The following LPIN2 variants were observed in gnomAD, a reference collection of about 807,000 sequenced individuals.
LPIN2 encodes the protein lipin 2.
A neutral mutation model predicts 111.4 loss-of-function variants in LPIN2; 55 were observed. That is an observed-to-expected ratio of 0.49 (90% CI 0.40 to 0.62). The LOEUF (loss-of-function observed/expected upper bound fraction) is 0.62. LPIN2 is among the 20% of genes least tolerant of loss of function. The pLI is 0.00. For missense variants in LPIN2, 992 were observed against 1,112.1 expected, an observed-to-expected ratio of 0.89 and a Z score of 1.54; for synonymous variants, 425 against 414.0, an observed-to-expected ratio of 1.03 and a Z score of -0.32.
chr18:2,991,021 A>T, intron 1 of LPIN2: 1 of 569,040 alleles, frequency 1.8e-6, no homozygotes, highest in Non-Finnish European at 3.5e-6. Flanking sequence ...CCCAATGATG[A>T]GACCTCTTGC....
At chr18:2,936,689 C>T (rs983793816) in intron 7 of LPIN2, among the ~76,000 whole-genome samples, 7 of 152,200 alleles carry the variant, frequency 4.6e-5, no homozygotes, top group African/African-American at 1.7e-4. Flanking sequence ...AAGCGATCTT[C>T]CCACCTCAGC....
intron 18 of LPIN2, 159 bp from the exon 19 acceptor site, chr18:2,921,040 C>T: frequency 1.4e-6 from 1 of 691,100 alleles, no homozygotes. Flanking sequence ...TTTAGACAAA[C>T]CTAAACTACA....
At chr18:2,924,678 C>A in intron 14 of LPIN2, 132 bp from the exon 15 acceptor site, 1 of 891,462 alleles carries the variant, frequency 1.1e-6, no homozygotes, top group Non-Finnish European at 1.8e-6. Context: ...TTAGACACAG[C>A]CCACCCTGTG....
chr18:2,952,026 T>C (rs943631507), intron 3 of LPIN2, among the ~76,000 whole-genome samples: 4 of 152,230 alleles, frequency 2.6e-5, no homozygotes, highest in African/African-American at 9.6e-5. Context: ...AAACTCCTAA[T>C]ACTAAATAAA....
chr18:2,996,200 C>T (rs1328140455), intron 1 of LPIN2, among the ~76,000 whole-genome samples: 1 of 151,844 alleles, frequency 6.6e-6, no homozygotes, highest in Non-Finnish European at 1.5e-5. Context: ...ATTAGCTGAG[C>T]GTGGTGGTGC....
intron 1 of LPIN2, among the ~76,000 whole-genome samples, chr18:2,988,519 C>T (rs2078218677): frequency 6.6e-6 from 1 of 152,186 alleles, no homozygotes; most frequent in East Asian, 1.9e-4. Context: ...ACCTGAAACA[C>T]TGATACTCAG....
chr18:2,990,838 G>C, intron 1 of LPIN2: 1 of 424,814 alleles, frequency 2.4e-6, no homozygotes, highest in Non-Finnish European at 4.6e-6. Context: ...TTCAATCTCT[G>C]TTCCCCGCCG....
chr18:2,934,528 A>G, intron 7 of LPIN2, 78 bp from the exon 8 acceptor site: 1 of 903,070 alleles, frequency 1.1e-6, no homozygotes, highest in Middle Eastern at 2.2e-4. Flanking sequence ...CACGTTTGCA[A>G]ACAGTAAGAG....
At chr18:2,932,356 C>G (rs749877719) in intron 8 of LPIN2, among the ~76,000 whole-genome samples, 4 of 152,148 alleles carry the variant, frequency 2.6e-5, no homozygotes, top group Non-Finnish European at 5.9e-5. Flanking sequence ...CTCTTTCAAA[C>G]AAATCTCATC....
intron 6 of LPIN2, 85 bp downstream of exon 6, chr18:2,939,395 A>C: frequency 2.6e-6 from 4 of 1,538,266 alleles, no homozygotes; most frequent in South Asian, 1.1e-5. Flanking sequence ...CTCAGTCAGA[A>C]ATTGCCTCCT....
intron 4 of LPIN2, chr18:2,945,624 A>G (rs2077439302): frequency 6.6e-7 from 1 of 1,511,526 alleles, no homozygotes; most frequent in Admixed American, 1.7e-5. Context: ...GCATCGGTTC[A>G]GCTTTTCTCA....
intron 3 of LPIN2, among the ~76,000 whole-genome samples, chr18:2,953,354 GTTTT>G (rs1017532682): frequency 6.8e-6 from 1 of 146,710 alleles, no homozygotes; most frequent in Non-Finnish European, 1.5e-5. Flanking sequence ...ACAAAAAGTG[GTTTT>G]TTTTTTTGAC....
intron 1 of LPIN2, among the ~76,000 whole-genome samples, chr18:2,999,855 A>C (rs1482108401): frequency 1.3e-5 from 2 of 152,026 alleles, no homozygotes; most frequent in African/African-American, 4.8e-5. Flanking sequence ...TGGAGAATAA[A>C]TACCAGCCTG....
At chr18:2,953,059 G>A (rs927598751) in intron 3 of LPIN2, among the ~76,000 whole-genome samples, 1 of 152,214 alleles carries the variant, frequency 6.6e-6, no homozygotes, top group African/African-American at 2.4e-5. Flanking sequence ...ATGTGGCATA[G>A]AGTAGTAATT....
chr18:2,927,875 G>T, intron 11 of LPIN2, 64 bp from the exon 12 acceptor site: 1 of 1,351,010 alleles, frequency 7.4e-7, no homozygotes, highest in Non-Finnish European at 1.1e-6. Flanking sequence ...TACCTTCTAT[G>T]CTAGCCTGAA....
chr18:2,920,003 T>G lies in LPIN2; in HGVS notation c.*290A>C, dbSNP rs936174312. On this transcript the variant is annotated 3_prime_UTR_variant, in exon 20 of 20. Coordinates refer to ENST00000677752, the MANE Select transcript of LPIN2 (RefSeq NM_001375808.2). ...TTTTTCTTCCTTTAAAATGATGCAATGGAAGGAGGCCCCAGCTCACAGCAG... is the reference window on the plus strand; with the variant it reads ...TTTTTCTTCCTTTAAAATGATGCAAGGGAAGGAGGCCCCAGCTCACAGCAG... 5.8e-6 allele frequency: 3 copies of G among 515,642 alleles called. No homozygotes were observed. Among genetic ancestry groups the G allele is most frequent in the Non-Finnish European group, 7.1e-6 (2 of 283,364 alleles). The allele number at this position is 515,642 out of a possible 1,614,324, so 31.9% of individuals were successfully genotyped here.
chr18:2,961,433 A>G (rs905503381), intron 1 of LPIN2, among the ~76,000 whole-genome samples: 2 of 152,208 alleles, frequency 1.3e-5, no homozygotes, highest in African/African-American at 4.8e-5. Flanking sequence ...CATTTATAAC[A>G]TTACTTCTAC....
intron 8 of LPIN2, among the ~76,000 whole-genome samples, chr18:2,932,091 A>G (rs1475360861): frequency 9.2e-5 from 14 of 152,218 alleles, no homozygotes; most frequent in Admixed American, 9.2e-4. Context: ...ATTTTTCAAG[A>G]TAAGGCACAG....
intron 1 of LPIN2, among the ~76,000 whole-genome samples, chr18:2,971,344 G>A (rs1282225662): frequency 6.6e-6 from 1 of 152,196 alleles, no homozygotes; most frequent in Non-Finnish European, 1.5e-5. Context: ...AAAGATGATA[G>A]GGGAGGATGT....
Sources: gnomAD v4.1 joint callset for allele counts (sites outside exome capture counted in the v4.1 genomes callset) on GRCh38, gnomAD v4.1.1 for gene constraint, MANE v1.5 for transcripts, NCBI Gene and HGNC (gene_info 2026-07-23, HGNC 2026-07-21) for gene names.